CSTPP1: variants seen among roughly 807,000 people sequenced by gnomAD.
CSTPP1 encodes UPF0705 protein C11orf49.
the CSTPP1 span, among the ~76,000 whole-genome samples, chr11:47,003,834 C>T: frequency 7.9e-5 from 12 of 152,178 alleles, no homozygotes; most frequent in Non-Finnish European, 1.6e-4. Flanking sequence ...ATCCCTTTGT[C>T]ATTAAATAAT....
chr11:47,146,984 TA>T, the CSTPP1 span, among the ~76,000 whole-genome samples: 3 of 152,312 alleles, frequency 2.0e-5, no homozygotes, highest in East Asian at 5.8e-4. Flanking sequence ...AATTATAGTA[TA>T]AAGACATGCA....
At chr11:47,060,818 A>G in the CSTPP1 span, among the ~76,000 whole-genome samples, 1 of 152,192 alleles carries the variant, frequency 6.6e-6, no homozygotes, top group Non-Finnish European at 1.5e-5. Context: ...TTTCTCCTGA[A>G]GTTAGTAGAA....
chr11:47,161,191 G>A, the CSTPP1 span: 2 of 1,613,656 alleles, frequency 1.2e-6, no homozygotes, highest in Admixed American at 3.3e-5. Context: ...TGGAACGGCT[G>A]TAAGTGTCAA....
At chr11:46,948,086 C>T in the CSTPP1 span, 3 of 456,170 alleles carry the variant, frequency 6.6e-6, no homozygotes, top group African/African-American at 2.0e-5. Context: ...ACGTCTTCGG[C>T]TTTGCTTGTC....
the CSTPP1 span, among the ~76,000 whole-genome samples, chr11:47,030,947 C>G: frequency 6.6e-6 from 1 of 152,130 alleles, no homozygotes; most frequent in Non-Finnish European, 1.5e-5. Flanking sequence ...GAGGAATCCT[C>G]AAAGATCTAA....
At chr11:46,991,338 A>G in the CSTPP1 span, among the ~76,000 whole-genome samples, 58 of 152,020 alleles carry the variant, frequency 3.8e-4, no homozygotes, top group Admixed American at 3.8e-3. Context: ...GTTCTTTTCA[A>G]TGAAATCTAG....
At chr11:47,162,922 G>A in the CSTPP1 span, among the ~76,000 whole-genome samples, 1 of 152,174 alleles carries the variant, frequency 6.6e-6, no homozygotes, top group East Asian at 1.9e-4. Context: ...CTCATTGCCT[G>A]TAATCCCAGC....
chr11:46,962,133 T>C, the CSTPP1 span, among the ~76,000 whole-genome samples: 9 of 152,196 alleles, frequency 5.9e-5, no homozygotes, highest in African/African-American at 2.2e-4. Context: ...GTTACCCCAC[T>C]GGGTCCCTTC....
At chr11:47,019,664 C>T in the CSTPP1 span, among the ~76,000 whole-genome samples, 1 of 152,078 alleles carries the variant, frequency 6.6e-6, no homozygotes, top group South Asian at 2.1e-4. Context: ...TGGTTTGTGG[C>T]ACCCCAAAAT....
the CSTPP1 span, among the ~76,000 whole-genome samples, chr11:47,065,597 A>G: frequency 6.6e-6 from 1 of 152,104 alleles, no homozygotes; most frequent in Non-Finnish European, 1.5e-5. Context: ...GATGTTTTGT[A>G]GTTTTCAAGT....
At chr11:47,047,692 C>T in the CSTPP1 span, among the ~76,000 whole-genome samples, 4 of 152,132 alleles carry the variant, frequency 2.6e-5, no homozygotes, top group African/African-American at 9.7e-5. Context: ...AACTTTTGTG[C>T]ATCAAAGGAT....
the CSTPP1 span, among the ~76,000 whole-genome samples, chr11:47,069,863 G>A: frequency 2.6e-5 from 4 of 152,138 alleles, no homozygotes; most frequent in Non-Finnish European, 5.9e-5. Context: ...ACCGGCATGT[G>A]CCACCATGCC....
At chr11:47,124,504 T>G in the CSTPP1 span, among the ~76,000 whole-genome samples, 1 of 152,204 alleles carries the variant, frequency 6.6e-6, no homozygotes, top group Non-Finnish European at 1.5e-5. Context: ...AGGTTATACA[T>G]GAAAATGACA....
the CSTPP1 span, among the ~76,000 whole-genome samples, chr11:46,984,389 A>C: frequency 6.6e-6 from 1 of 152,238 alleles, no homozygotes; most frequent in African/African-American, 2.4e-5. Context: ...CATGTGAAAC[A>C]ATTAGTACAG....
chr11:47,100,526 G>A, the CSTPP1 span, among the ~76,000 whole-genome samples: 9 of 152,244 alleles, frequency 5.9e-5, no homozygotes, highest in South Asian at 2.1e-4. Flanking sequence ...GTGTGGTGGC[G>A]CATGCCTGTA....
the CSTPP1 span, chr11:47,157,308 G>A: frequency 9.7e-5 from 135 of 1,390,844 alleles, no homozygotes; most frequent in Non-Finnish European, 1.2e-4. Flanking sequence ...TGTTCTGCGC[G>A]GCCCAGGCAT....
At chr11:47,008,629 CTG>C in the CSTPP1 span, among the ~76,000 whole-genome samples, 1 of 152,164 alleles carries the variant, frequency 6.6e-6, no homozygotes, top group Non-Finnish European at 1.5e-5. Context: ...GTGTGAACCA[CTG>C]TGCCTAGCCA....
the CSTPP1 span, among the ~76,000 whole-genome samples, chr11:47,138,321 T>A: frequency 6.6e-6 from 1 of 152,140 alleles, no homozygotes; most frequent in Admixed American, 6.5e-5. Context: ...AAACTGCCCA[T>A]GTGATCCAAT....
At chr11:47,067,590 C>A in the CSTPP1 span, among the ~76,000 whole-genome samples, 2 of 152,190 alleles carry the variant, frequency 1.3e-5, no homozygotes, top group Admixed American at 6.5e-5. Flanking sequence ...AGAGGAGATA[C>A]CAGAGAGCTG....
Sources: gnomAD v4.1 joint callset for allele counts (sites outside exome capture counted in the v4.1 genomes callset) on GRCh38, gnomAD v4.1.1 for gene constraint, MANE v1.5 for transcripts, NCBI Gene and HGNC (gene_info 2026-07-23, HGNC 2026-07-21) for gene names.